Variants in SLC35F1 observed in about 807,000 individuals in gnomAD.
The protein encoded by SLC35F1 is solute carrier family 35 member F1.
In SLC35F1, 14 loss-of-function variants were observed where a neutral mutation model predicts 48.7. The observed-to-expected ratio is 0.29, with a 90% confidence interval of 0.19 to 0.45. SLC35F1 has a LOEUF of 0.45. Among genes scored for constraint, SLC35F1 ranks in the 20% least tolerant of loss-of-function variants. The pLI is 1.00. For missense variants in SLC35F1, 404 were observed against 500.0 expected (o/e 0.81, Z 1.83); for synonymous variants, 190 against 202.2 (o/e 0.94, Z 0.51).
chr6:118,228,928 G>A (rs1041985390), intron 2 of SLC35F1, among the ~76,000 whole-genome samples: 1 of 151,494 alleles, frequency 6.6e-6, no homozygotes, highest in Non-Finnish European at 1.5e-5. Context: ...TGAAAATGCA[G>A]TTCCCAAAAT....
chr6:118,046,935 T>G (rs1772309930), intron 1 of SLC35F1, among the ~76,000 whole-genome samples: 1 of 139,382 alleles, frequency 7.2e-6, no homozygotes, highest in Non-Finnish European at 1.5e-5. Flanking sequence ...ATCCACAGTT[T>G]TCAATTACTG....
At chr6:118,249,906 A>G (rs545348289) in intron 3 of SLC35F1, among the ~76,000 whole-genome samples, 2 of 152,118 alleles carry the variant, frequency 1.3e-5, no homozygotes, top group African/African-American at 2.4e-5. Flanking sequence ...TGGGCCAGAG[A>G]ACGATGACAG....
intron 1 of SLC35F1, among the ~76,000 whole-genome samples, chr6:118,088,746 C>T (rs556500564): frequency 1.7e-3 from 258 of 152,252 alleles, no homozygotes; most frequent in African/African-American, 6.0e-3. Flanking sequence ...ATGGAACTGA[C>T]ACCAGACTGA....
chr6:117,961,718 A>G (rs569829789), intron 1 of SLC35F1, among the ~76,000 whole-genome samples: 1 of 152,322 alleles, frequency 6.6e-6, no homozygotes, highest in African/African-American at 2.4e-5. Context: ...AATCCAACAT[A>G]TACAAATGTA....
At chr6:118,151,809 G>C (rs550234388) in intron 1 of SLC35F1, among the ~76,000 whole-genome samples, 1 of 152,104 alleles carries the variant, frequency 6.6e-6, no homozygotes, top group Non-Finnish European at 1.5e-5. Flanking sequence ...GAGCCACTGC[G>C]CCTGGCCTTT....
chr6:118,145,804 A>T (rs1160068028), intron 1 of SLC35F1, among the ~76,000 whole-genome samples: 1 of 152,160 alleles, frequency 6.6e-6, no homozygotes, highest in Non-Finnish European at 1.5e-5. Context: ...AAGTTATGCA[A>T]CTCATTACTT....
At chr6:118,144,444 G>T (rs1468815359) in intron 1 of SLC35F1, among the ~76,000 whole-genome samples, 1 of 151,996 alleles carries the variant, frequency 6.6e-6, no homozygotes, top group Non-Finnish European at 1.5e-5. Context: ...CAGGGGGTCG[G>T]GGGGAGGGAG....
At chr6:117,922,519 GTAT>G in intron 1 of SLC35F1, among the ~76,000 whole-genome samples, 1 of 152,312 alleles carries the variant, frequency 6.6e-6, no homozygotes, top group African/African-American at 2.4e-5. Flanking sequence ...TTATTTGTAT[GTAT>G]TCATGGAGTA....
At chr6:118,128,144 TAAA>T (rs1363864402) in intron 1 of SLC35F1, among the ~76,000 whole-genome samples, 8 of 143,586 alleles carry the variant, frequency 5.6e-5, no homozygotes, top group African/African-American at 2.1e-4. Context: ...TGGCAATCAT[TAAA>T]AAGTCAGGAA....
chr6:118,152,163 C>G (rs1042297914), intron 1 of SLC35F1, among the ~76,000 whole-genome samples: 1 of 152,158 alleles, frequency 6.6e-6, no homozygotes, highest in Non-Finnish European at 1.5e-5. Flanking sequence ...TTGAAAGATA[C>G]ATAAGAATCA....
At chr6:118,040,467 C>G (rs118025092) in intron 1 of SLC35F1, among the ~76,000 whole-genome samples, 2 of 152,194 alleles carry the variant, frequency 1.3e-5, no homozygotes. Context: ...TATCCAGTAT[C>G]CTTTTATTAA....
chr6:118,298,657 A>G (rs1205152862), intron 7 of SLC35F1, among the ~76,000 whole-genome samples: 2 of 152,000 alleles, frequency 1.3e-5, no homozygotes, highest in African/African-American at 4.8e-5. Flanking sequence ...GAGTCAGCCA[A>G]CTCCACTTCT....
At chr6:117,971,859 C>T (rs1776646910) in intron 1 of SLC35F1, among the ~76,000 whole-genome samples, 1 of 152,164 alleles carries the variant, frequency 6.6e-6, no homozygotes. Flanking sequence ...TTTTTCCCTC[C>T]TAGGCCTCCA....
chr6:117,989,385 C>T (rs1776888826), intron 1 of SLC35F1, among the ~76,000 whole-genome samples: 1 of 152,184 alleles, frequency 6.6e-6, no homozygotes, highest in Admixed American at 6.5e-5. Flanking sequence ...CCACTTGTAG[C>T]CTGTCAGATA....
At chr6:118,206,709 C>T (rs1373976759) in intron 2 of SLC35F1, among the ~76,000 whole-genome samples, 1 of 152,132 alleles carries the variant, frequency 6.6e-6, no homozygotes, top group Non-Finnish European at 1.5e-5. Context: ...AGAGGTGGGA[C>T]ATTGCCACCT....
At chr6:118,258,194 T>G (rs281861) in intron 3 of SLC35F1, among the ~76,000 whole-genome samples, 81,159 of 151,882 alleles carry the variant, frequency 0.53, 21,985 homozygotes, top group African/African-American at 0.58. Flanking sequence ...TGGATTATTT[T>G]ATGGAACTTT....
intron 1 of SLC35F1, among the ~76,000 whole-genome samples, chr6:117,956,286 C>T (rs566102868): frequency 9.8e-5 from 15 of 152,332 alleles, no homozygotes; most frequent in African/African-American, 3.6e-4. Context: ...TCTTTGTCTC[C>T]AGCATTCACA....
intron 7 of SLC35F1, among the ~76,000 whole-genome samples, chr6:118,303,812 A>G (rs1249859124): frequency 6.6e-6 from 1 of 152,168 alleles, no homozygotes; most frequent in Non-Finnish European, 1.5e-5. Flanking sequence ...CTATTGGACC[A>G]TGGTCCCACC....
At chr6:118,219,447 A>G (rs1156474935) in intron 2 of SLC35F1, among the ~76,000 whole-genome samples, 1 of 152,204 alleles carries the variant, frequency 6.6e-6, no homozygotes, top group Admixed American at 6.5e-5. Flanking sequence ...AATCAAAACC[A>G]CAATGAGATA....
Sources: allele counts gnomAD v4.1 joint callset (sites outside exome capture counted in the v4.1 genomes callset), GRCh38; gene constraint gnomAD v4.1.1; transcripts MANE v1.5; gene names NCBI Gene and HGNC (gene_info 2026-07-23, HGNC 2026-07-21).